The following SLC25A45 variants were observed in gnomAD, a reference collection of about 807,000 sequenced individuals.
The protein encoded by SLC25A45 is methylated amino-acid transporter SLC25A45.
A neutral mutation model predicts 23.0 loss-of-function variants in SLC25A45; 22 were observed. The observed-to-expected ratio is 0.95, with a 90% CI of 0.68 to 1.36. The LOEUF (loss-of-function observed/expected upper bound fraction) is 1.36. Ranked by LOEUF, SLC25A45 falls within the 40% of genes most tolerant of loss-of-function variation. The pLI is 0.00. For missense variants in SLC25A45, 355 were observed against 383.5 expected (o/e 0.93, Z 0.62); for synonymous variants, 136 against 155.0 (o/e 0.88, Z 0.91).
intron 4 of SLC25A45, 38 bp from the exon 5 acceptor site, chr11:65,379,599 G>A: frequency 6.4e-7 from 1 of 1,568,696 alleles, no homozygotes; most frequent in Non-Finnish European, 8.7e-7. Context: ...TAGGCACCGT[G>A]GGGCCTCCCC....
At position 65,375,662 on chromosome 11, in the gene SLC25A45, G is replaced by A. The variant is rs529398440; in HGVS notation, c.*745C>T. ...GTGATGAGAGCCACTGAAGGATTCTGGGGGAGGAGACATAGGGTTATCCTG... is the reference window on the plus strand; with the variant it reads ...GTGATGAGAGCCACTGAAGGATTCTAGGGGAGGAGACATAGGGTTATCCTG... On this transcript the variant is annotated 3_prime_UTR_variant, in exon 7 of 7. Transcript: ENST00000398802. 2 of 152,438 alleles carry A rather than the reference G, an allele frequency of 1.3e-5. No individual in the cohort carries two copies. The highest frequency in any genetic ancestry group is 2.1e-4 in the South Asian group (1 of 4,830). 9.4% of individuals were successfully genotyped at this position (152,438 alleles called of 1,614,324 possible).
At chr11:65,376,708 A>C in intron 6 of SLC25A45, 33 bp from the exon 7 acceptor site, 1 of 1,613,186 alleles carries the variant, frequency 6.2e-7, no homozygotes, top group Non-Finnish European at 8.5e-7. Flanking sequence ...CAGGGGTCAG[A>C]CCCAGAACAG....
intron 6 of SLC25A45, 63 bp downstream of exon 6, chr11:65,376,755 C>T (rs527984412): frequency 5.9e-5 from 95 of 1,613,938 alleles, no homozygotes; most frequent in African/African-American, 1.5e-4. Context: ...TTCCCCAGTC[C>T]CCGCTGGACC....
At chr11:65,380,272 G>C in intron 2 of SLC25A45, 97 bp from the exon 3 acceptor site, 1 of 1,567,148 alleles carries the variant, frequency 6.4e-7, no homozygotes, top group Non-Finnish European at 8.8e-7. Context: ...GCAGGAGGAA[G>C]GAGAGCAGGG....
Position 65,381,945 on chromosome 11 carries a change from C to G in SLC25A45, c.7G>C (p.Val3Leu), listed in dbSNP as rs1229740602. The change falls in exon 2 of 7, where the codon GTG becomes CTG. Residue 3 changes from valine (V) to leucine (L), a missense_variant. Coordinates refer to ENST00000398802, the MANE Select transcript of SLC25A45 (RefSeq NM_182556.4). MP[V>L]EEFVAGWISG... Reference sequence around the variant, plus strand: ...ATCCAGCCAGCCACAAATTCCTCCACCGGCATTGTCTGGGCTTGCGGGAAC... The same window carrying G: ...ATCCAGCCAGCCACAAATTCCTCCAGCGGCATTGTCTGGGCTTGCGGGAAC... The G allele has an allele frequency of 2.5e-6, 4 of 1,614,092 alleles. No homozygotes were observed. The highest frequency in any genetic ancestry group is 3.4e-6 in the Non-Finnish European group (4 of 1,179,980).
chr11:65,382,290 G>A lies in SLC25A45; in HGVS notation c.-19+196C>T. 2.7e-6 allele frequency: 1 copy of A among 368,884 alleles called. No homozygotes were observed. The highest frequency in any genetic ancestry group is 5.1e-5 in the East Asian group (1 of 19,514). 22.9% of individuals were successfully genotyped at this position (368,884 alleles called of 1,614,324 possible). On this transcript the variant is annotated intron_variant, in intron 1 of 6. Transcript: ENST00000398802. The surrounding 1 kb of genome is among the most constrained non-coding windows in gnomAD (Gnocchi z 4.4). Reference sequence around the variant, plus strand: ...GTCGGGCCCCTCCAGGGCTGCCTTAGTCAGCAAGAGGCAAGCCCCTGCCTG... The same window carrying A: ...GTCGGGCCCCTCCAGGGCTGCCTTAATCAGCAAGAGGCAAGCCCCTGCCTG...
chr11:65,377,071 G>A lies in SLC25A45; in HGVS notation c.345C>T (p.Tyr115=), dbSNP rs1168004843. ...TGATGAGGTCAAAAGGAGCCAGACA[G>A]TAGGCCTGTTGGTGATGAAACATGA... is the stretch of plus-strand genomic sequence containing the variant. ...AGCTGGFLQA[Y]CLAPFDLIKV... The change falls in exon 6 of 7, where the codon TAC becomes TAT. Residue 115 remains tyrosine (Y), a synonymous_variant. Transcript: ENST00000398802. 2 of 1,613,248 alleles carry A rather than the reference G, an allele frequency of 1.2e-6. No individual in the cohort carries two copies. Among genetic ancestry groups the A allele is most frequent in the Non-Finnish European group, 1.7e-6 (2 of 1,179,506 alleles).
chr11:65,376,831 T>C lies in SLC25A45; in HGVS notation c.585A>G (p.Glu195=). The C allele has an allele frequency of 1.2e-6, 2 of 1,614,234 alleles. No individual in the cohort carries two copies. The highest frequency in any genetic ancestry group is 1.7e-6 in the Non-Finnish European group (2 of 1,180,036). ...YEGLCRQYTP[E]GQNPSSATVL... is the part of the protein sequence containing the mutation. ...CACTTTACTTACTGGGATTCTGGCCTTCTGGTGTGTACTGGCGACAGAGCC... is the reference window on the plus strand; with the variant it reads ...CACTTTACTTACTGGGATTCTGGCCCTCTGGTGTGTACTGGCGACAGAGCC... Residue 195 remains glutamate (E), a synonymous_variant, in exon 6 of 7, where the codon GAA becomes GAG. Coordinates refer to ENST00000398802, the MANE Select transcript of SLC25A45 (RefSeq NM_182556.4).
intron 2 of SLC25A45, chr11:65,381,518 C>CA (rs1855551713): frequency 5.1e-6 from 1 of 195,500 alleles, no homozygotes; most frequent in Non-Finnish European, 1.1e-5. Flanking sequence ...CTCAGCCTCG[C>CA]AAAGTGCTGG....
At position 65,379,575 on chromosome 11, in the gene SLC25A45, C is replaced by A; in HGVS notation, c.154-14G>T. On this transcript the variant is annotated splice_polypyrimidine_tract_variant and intron_variant, in intron 4 of 6. Coordinates refer to ENST00000398802, the MANE Select transcript of SLC25A45 (RefSeq NM_182556.4). ...GAAGCCCAGGAGCTGCAGAGAGACA[C>A]AGTGGCAGCGGAGTAGGCACCGTGG... 2 of 1,596,724 alleles carry A rather than the reference C, an allele frequency of 1.3e-6. No individual in the cohort carries two copies. The highest frequency in any genetic ancestry group is 2.2e-5 in the South Asian group (2 of 89,742).
rs143489438 is a variant in SLC25A45, at chr11:65,382,390, G to A, written c.-19+96C>T. 3,504 of 208,124 alleles carry A rather than the reference G, an allele frequency of 0.017. 67 individuals carry two copies. The highest frequency in any genetic ancestry group is 0.044 in the Admixed American group (858 of 19,424). The allele number at this position is 208,124 out of a possible 1,614,324, so 12.9% of individuals were successfully genotyped here. On this transcript the variant is annotated intron_variant, in intron 1 of 6. Transcript: ENST00000398802. The surrounding 1 kb of genome is among the most constrained non-coding windows in gnomAD (Gnocchi z 4.4). ...CGCCCCCATGCCACAGAGAGAGGCC[G>A]GGTGCGGAGGTAGCGTGGCCACCAG...
rs908154107 is a variant in SLC25A45, at chr11:65,382,122, A to C, written c.-18-153T>G. ...GGCAACTGGCAGAGGAGAGCGAGCCAGTTCCGGTGACCCTGGCCACCTGGA... is the reference window on the plus strand; with the variant it reads ...GGCAACTGGCAGAGGAGAGCGAGCCCGTTCCGGTGACCCTGGCCACCTGGA... On this transcript the variant is annotated intron_variant, in intron 1 of 6. Coordinates refer to ENST00000398802, the MANE Select transcript of SLC25A45 (RefSeq NM_182556.4). The surrounding 1 kb of genome is among the most constrained non-coding windows in gnomAD (Gnocchi z 4.4). 2 of 655,150 alleles carry C rather than the reference A, an allele frequency of 3.1e-6. No individual in the cohort carries two copies. The highest frequency in any genetic ancestry group is 5.5e-6 in the Non-Finnish European group (2 of 361,042). The allele number at this position is 655,150 out of a possible 1,614,324, so 40.6% of individuals were successfully genotyped here.
intron 2 of SLC25A45, chr11:65,380,506 A>G: frequency 7.2e-7 from 1 of 1,387,110 alleles, no homozygotes; most frequent in Non-Finnish European, 9.5e-7. Context: ...GAGCCGCGGG[A>G]CTCTGGGAGA....
At position 65,376,660 on chromosome 11, in the gene SLC25A45, A is replaced by C. The variant is rs922052398; in HGVS notation, c.614T>G (p.Leu205Arg). 6.2e-7 allele frequency: 1 copy of C among 1,613,752 alleles called. No individual in the cohort carries two copies. The highest frequency in any genetic ancestry group is 1.3e-5 in the African/African-American group (1 of 74,910). Reference protein sequence around the residue: ...EGQNPSSATVLVAGGFAGIAS... With the variant: ...EGQNPSSATVRVAGGFAGIAS... ...AATGCCTGCAAAGCCCCCTGCCACC[A>C]GCACCGTGGCTGAGCCTGGGGCAGA... The change falls in exon 7 of 7, where the codon CTG becomes CGG. Residue 205 changes from leucine to arginine, a missense_variant. Leu to Arg is a moderately radical substitution (Grantham distance 102). Transcript: ENST00000398802.
At position 65,377,093 on chromosome 11, in the gene SLC25A45, A is replaced by ATG. The variant is rs1394731298; in HGVS notation, c.340-19_340-18dup. 6.2e-7 allele frequency: 1 copy of ATG among 1,608,488 alleles called. No individual in the cohort carries two copies. Among genetic ancestry groups the ATG allele is most frequent in the South Asian group, 1.1e-5 (1 of 90,524 alleles). Reference sequence around the variant, plus strand: ...ACAGTAGGCCTGTTGGTGATGAAACATGAGGGCCCCGGGTGGGGCTTTGGG... The same window carrying ATG: ...ACAGTAGGCCTGTTGGTGATGAAACATGTGAGGGCCCCGGGTGGGGCTTTGGG... On this transcript the variant is annotated splice_polypyrimidine_tract_variant and intron_variant, in intron 5 of 6. Transcript: ENST00000398802.
intron 2 of SLC25A45, 56 bp downstream of exon 2, chr11:65,381,859 C>T (rs760515351): frequency 3.1e-6 from 5 of 1,611,050 alleles, no homozygotes; most frequent in South Asian, 1.1e-5. Flanking sequence ...CCCATCTTCC[C>T]GAGGAAGTGA....
chr11:65,382,863 T>A (rs1855643313), upstream of SLC25A45: 1 of 152,230 alleles, frequency 6.6e-6, no homozygotes, highest in African/African-American at 2.4e-5. This position sits in a 1 kb window ranked among gnomAD's most constrained non-coding sequence, Gnocchi z 4.4. Context: ...GGCTCAAATG[T>A]CACCACCTGG....
At position 65,375,592 on chromosome 11, in the gene SLC25A45, A is replaced by C. The variant is rs1041756067; in HGVS notation, c.*815T>G. Reference sequence around the variant, plus strand: ...CCCAGGAGAACAAAGCCTCGTGGGGAGGGAGGAACCTGGAGGGTGGAAGGA... The same window carrying C: ...CCCAGGAGAACAAAGCCTCGTGGGGCGGGAGGAACCTGGAGGGTGGAAGGA... On this transcript the variant is annotated 3_prime_UTR_variant, in exon 7 of 7. Transcript: ENST00000398802. 3.3e-5 allele frequency: 5 copies of C among 152,504 alleles called. No homozygotes were observed. The highest frequency in any genetic ancestry group is 5.9e-5 in the Non-Finnish European group (4 of 68,338). The allele number at this position is 152,504 out of a possible 1,614,324, so 9.4% of individuals were successfully genotyped here. A position where few individuals can be genotyped will look rare whatever the true frequency, so the allele number is the denominator to read the frequency against.
intron 5 of SLC25A45, chr11:65,378,069 T>A (rs1269966808): frequency 6.6e-6 from 1 of 152,072 alleles, no homozygotes; most frequent in Non-Finnish European, 1.5e-5. Flanking sequence ...TTAGGTACCA[T>A]CCCTTGGGAG....
Sources: allele counts gnomAD v4.1 joint callset, GRCh38; gene constraint gnomAD v4.1.1; non-coding constraint Gnocchi (gnomAD v3.1); transcripts MANE v1.5; gene names NCBI Gene and HGNC (gene_info 2026-07-23, HGNC 2026-07-21).